Variants in PAH observed in about 807,000 individuals in gnomAD.
The protein encoded by PAH is phenylalanine hydroxylase, also known as phenylalanine-4-hydroxylase.
A neutral mutation model predicts 62.0 loss-of-function variants in PAH; 64 were observed. The observed-to-expected ratio is 1.03, with a 90% CI of 0.84 to 1.27. The LOEUF (loss-of-function observed/expected upper bound fraction) is 1.27. Among genes scored for constraint, PAH ranks in the 50% most tolerant of loss-of-function variants. PAH has a pLI of 0.00. For synonymous variants in PAH, 195 were observed against 196.2 expected (o/e 0.99, Z 0.05); for missense variants, 579 against 542.8 (o/e 1.07, Z -0.66).
chr12:102,927,087 T>C (rs1443791894), intron 1 of PAH, among the ~76,000 whole-genome samples: 1 of 152,022 alleles, frequency 6.6e-6, no homozygotes, highest in African/African-American at 2.4e-5. Flanking sequence ...TCATTAGGAA[T>C]AGAAGACACT....
chr12:102,891,266 T>C (rs1041267151), intron 3 of PAH, among the ~76,000 whole-genome samples: 6 of 152,132 alleles, frequency 3.9e-5, no homozygotes, highest in Admixed American at 6.5e-5. Flanking sequence ...AACAGGCAGA[T>C]TGACCCTTTC....
intron 4 of PAH, among the ~76,000 whole-genome samples, chr12:102,871,932 AAAAAAAAAAAAAAAAAAATAT>A (rs1312312352): frequency 0.04 from 4,712 of 116,400 alleles, 116 homozygotes; most frequent in Middle Eastern, 0.048. Context: ...CAAAAAAAAA[AAAAAAAAAAAAAAAAAAATAT>A]ATATATATAT....
At chr12:102,935,494 G>A (rs1203990186) in intron 1 of PAH, among the ~76,000 whole-genome samples, 1 of 152,052 alleles carries the variant, frequency 6.6e-6, no homozygotes, top group Non-Finnish European at 1.5e-5. Flanking sequence ...TAAATGTTTG[G>A]TGAAATTTAG....
At chr12:102,875,496 G>A (rs933306616) in intron 4 of PAH, among the ~76,000 whole-genome samples, 1 of 152,216 alleles carries the variant, frequency 6.6e-6, no homozygotes, top group Non-Finnish European at 1.5e-5. Flanking sequence ...CTGAGAACCA[G>A]TATCTTTGGA....
chr12:102,917,154 T>G lies in PAH; in HGVS notation c.-24A>C. ...ATGCTGGCTCCCCGGGAGTGAGGTC[T>G]CTGGCTTTTTAGGGCCTCAGGTACA... On this transcript the variant is annotated 5_prime_UTR_variant, in exon 1 of 13. Coordinates refer to ENST00000553106, the MANE Select transcript of PAH (RefSeq NM_000277.3). 3 of 1,613,424 alleles carry G rather than the reference T, an allele frequency of 1.9e-6. No homozygotes were observed. Among genetic ancestry groups the G allele is most frequent in the Non-Finnish European group, 2.5e-6 (3 of 1,179,388 alleles).
intron 1 of PAH, among the ~76,000 whole-genome samples, chr12:102,947,850 T>C (rs1428684102): frequency 1.3e-5 from 2 of 152,154 alleles, no homozygotes; most frequent in African/African-American, 4.8e-5. Context: ...AGATCTGCAG[T>C]TGACAAACTG....
intron 5 of PAH, among the ~76,000 whole-genome samples, chr12:102,856,105 TAATA>T (rs1875415461): frequency 6.6e-6 from 1 of 151,472 alleles, no homozygotes; most frequent in African/African-American, 2.4e-5. Flanking sequence ...AGATCAAGGA[TAATA>T]AATAAATATT....
At chr12:102,865,706 G>A (rs892414130) in intron 5 of PAH, among the ~76,000 whole-genome samples, 1 of 152,120 alleles carries the variant, frequency 6.6e-6, no homozygotes, top group Non-Finnish European at 1.5e-5. Flanking sequence ...GCACATTTTT[G>A]AATTCTTCCA....
chr12:102,883,179 AGAT>A (rs1876894450), intron 3 of PAH, among the ~76,000 whole-genome samples: 1 of 152,262 alleles, frequency 6.6e-6, no homozygotes, highest in African/African-American at 2.4e-5. Context: ...GAGGCTGGCC[AGAT>A]GATACTTGAA....
intron 2 of PAH, among the ~76,000 whole-genome samples, chr12:102,905,129 A>C (rs758628792): frequency 4.6e-5 from 7 of 152,238 alleles, no homozygotes; most frequent in African/African-American, 1.7e-4. Context: ...CACACCAGGC[A>C]TAGCAAGACC....
chr12:102,958,282 G>C, exon 1 of PAH: 1 of 1,476,078 alleles, frequency 6.8e-7, no homozygotes, highest in South Asian at 1.3e-5. Flanking sequence ...GGCGGCGCCG[G>C]CCAGCAGCCC....
chr12:102,944,753 G>C (rs1319803466), intron 1 of PAH, among the ~76,000 whole-genome samples: 1 of 152,100 alleles, frequency 6.6e-6, no homozygotes, highest in Non-Finnish European at 1.5e-5. Context: ...TTGGTTCCTG[G>C]TGTCTTATTT....
At chr12:102,893,147 C>T (rs1877347390) in intron 3 of PAH, among the ~76,000 whole-genome samples, 1 of 152,190 alleles carries the variant, frequency 6.6e-6, no homozygotes, top group Non-Finnish European at 1.5e-5. Context: ...TGCCTGTAAT[C>T]CCAACACTTT....
At chr12:102,887,336 G>A (rs1441131407) in intron 3 of PAH, among the ~76,000 whole-genome samples, 1 of 151,998 alleles carries the variant, frequency 6.6e-6, no homozygotes, top group Non-Finnish European at 1.5e-5. Flanking sequence ...ACAAAGTCAA[G>A]TGGATGATGT....
Position 102,838,948 on chromosome 12 carries a change from T to G in PAH, c.*227A>C, listed in dbSNP as rs1758221133. On this transcript the variant is annotated 3_prime_UTR_variant, in exon 13 of 13. Transcript: ENST00000553106. ...CAATTGAGAGTATGGGATTATCATC[T>G]CTAAATCAAAGATGACCCCAAAAGA... 1 of 576,272 alleles carries G rather than the reference T, an allele frequency of 1.7e-6. No individual in the cohort carries two copies. Among genetic ancestry groups the G allele is most frequent in the Admixed American group, 3.0e-5 (1 of 33,146 alleles). 35.7% of individuals were successfully genotyped at this position (576,272 alleles called of 1,614,324 possible). A position where few individuals can be genotyped will look rare whatever the true frequency, so the allele number is the denominator to read the frequency against.
chr12:102,850,004 G>C (rs944295506), intron 8 of PAH, among the ~76,000 whole-genome samples: 2 of 152,234 alleles, frequency 1.3e-5, no homozygotes, highest in African/African-American at 4.8e-5. Context: ...GTTCCCCAAA[G>C]TGGAAATGGC....
intron 2 of PAH, among the ~76,000 whole-genome samples, chr12:102,897,465 GTATATATATA>G (rs376902236): frequency 1.1e-5 from 1 of 93,946 alleles, no homozygotes; most frequent in South Asian, 3.1e-4. Context: ...GTGTGTGTGT[GTATATATATA>G]TATATATATA....
At position 102,862,571 on chromosome 12, in the gene PAH, T is replaced by A. The variant is rs193269140; in HGVS notation, c.509+4025A>T. Among the ~76,000 whole-genome samples the A allele has an allele frequency of 3.6e-3, 545 of 151,804 alleles. 1 individual carries two copies. Among genetic ancestry groups the A allele is most frequent in the Non-Finnish European group, 4.8e-3 (325 of 67,860 alleles). On this transcript the variant is annotated intron_variant, in intron 5 of 12. Transcript: ENST00000553106. ...AAAATGAAAGCTAAATTAAAGATTT[T>A]AAAAAAAAAGTCCTTTTGAAAACCA...
intron 5 of PAH, among the ~76,000 whole-genome samples, chr12:102,863,512 T>C (rs556437719): frequency 6.6e-6 from 1 of 152,164 alleles, no homozygotes; most frequent in Admixed American, 6.6e-5. Flanking sequence ...TTCTCCTGCA[T>C]TGTGCCTGGC....
Sources: allele counts gnomAD v4.1 joint callset (sites outside exome capture counted in the v4.1 genomes callset), GRCh38; gene constraint gnomAD v4.1.1; transcripts MANE v1.5; gene names NCBI Gene and HGNC (gene_info 2026-07-23, HGNC 2026-07-21).